Variants in TMEM120B observed in about 807,000 individuals in gnomAD.
TMEM120B encodes the protein transmembrane protein 120B.
In TMEM120B, 31 loss-of-function variants were observed where a neutral mutation model predicts 55.5. That is an observed-to-expected ratio of 0.56 (90% CI 0.42 to 0.75). The LOEUF (loss-of-function observed/expected upper bound fraction) is 0.75, where lower values mean the gene tolerates loss of function less well. Ranked by LOEUF, TMEM120B falls within the 30% of genes least tolerant of loss-of-function variation. The probability of loss-of-function intolerance (pLI) is 0.00; values close to 1 mark genes in which losing one functional copy is unlikely to be tolerated. For missense variants in TMEM120B, 399 were observed against 425.5 expected, an observed-to-expected ratio of 0.94 and a Z score of 0.55; for synonymous variants, 203 against 176.3, an observed-to-expected ratio of 1.15 and a Z score of -1.20.
chr12:121,756,850 C>T (rs1311264286), intron 5 of TMEM120B, among the ~76,000 whole-genome samples: 2 of 152,200 alleles, frequency 1.3e-5, no homozygotes, highest in Non-Finnish European at 2.9e-5. Flanking sequence ...AAATCTGGCT[C>T]TGCCTCTTCC....
chr12:121,771,441 C>G (rs778627811), intron 7 of TMEM120B, 47 bp from the exon 8 acceptor site: 1 of 1,527,400 alleles, frequency 6.5e-7, no homozygotes, highest in South Asian at 1.1e-5. Flanking sequence ...AGGAATGTCT[C>G]ATTTCATAGT....
intron 1 of TMEM120B, among the ~76,000 whole-genome samples, chr12:121,730,660 A>AC (rs1341347996): frequency 1.8e-4 from 27 of 146,936 alleles, no homozygotes; most frequent in South Asian, 8.6e-4. Flanking sequence ...AAAAAAAAAA[A>AC]AAACAAACAA....
Position 121,716,854 on chromosome 12 carries a change from C to T in TMEM120B, c.69+3890C>T, listed in dbSNP as rs1239934910. ...GGGATTACAGGCGTGAGCCACTGCA[C>T]CTGGCTTTCCTTTTTTGAATGAAGG... is the stretch of plus-strand genomic sequence containing the variant. On this transcript the variant is annotated intron_variant, in intron 1 of 11. Coordinates refer to ENST00000449592, the MANE Select transcript of TMEM120B (RefSeq NM_001080825.2). Among the ~76,000 whole-genome samples the T allele has an allele frequency of 2.0e-5, 3 of 152,250 alleles. No individual in the cohort carries two copies. The East Asian group carries it at 5.8e-4, about 29-fold the overall frequency.
chr12:121,774,574 G>A (rs900752344), intron 9 of TMEM120B, 84 bp from the exon 10 acceptor site: 10 of 1,347,388 alleles, frequency 7.4e-6, no homozygotes, highest in African/African-American at 5.8e-5. Context: ...AGGGTGACTG[G>A]TGTGGCTGGG....
chr12:121,748,295 C>T (rs1300766710), intron 2 of TMEM120B, 31 bp from the exon 3 acceptor site: 3 of 1,567,792 alleles, frequency 1.9e-6, no homozygotes, highest in East Asian at 2.3e-5. Flanking sequence ...GAGTGACGCC[C>T]CTTCCCCTGT....
Position 121,739,435 on chromosome 12 carries a change from T to C in TMEM120B, c.70-4194T>C, listed in dbSNP as rs150540267. On this transcript the variant is annotated intron_variant, in intron 1 of 11. Coordinates refer to ENST00000449592, the MANE Select transcript of TMEM120B (RefSeq NM_001080825.2). ...CTAGACAATTGACCCTTGAACAAGG[T>C]GGGGTTAGGGGTGCCAATCAGTCAA... is the stretch of plus-strand genomic sequence containing the variant. Among the ~76,000 whole-genome samples, 22 of 152,026 alleles carry C rather than the reference T, an allele frequency of 1.4e-4. No individual in the cohort carries two copies. In the East Asian group the frequency reaches 4.3e-3, roughly 29 times the overall value.
rs2137471063 is a variant in TMEM120B at position 121,779,891 on chromosome 12, C to G, written c.*4169C>G. The G allele has an allele frequency of 9.5e-6, 5 of 525,532 alleles. No homozygotes were observed. Among genetic ancestry groups the G allele is most frequent in the Non-Finnish European group, 1.0e-5 (3 of 292,518 alleles). The allele number at this position is 525,532 out of a possible 1,614,324, so 32.6% of individuals were successfully genotyped here. A position where few individuals can be genotyped will look rare whatever the true frequency, so the allele number is the denominator to read the frequency against. On this transcript the variant is annotated 3_prime_UTR_variant, in exon 12 of 12. Transcript: ENST00000449592. Reference sequence around the variant, plus strand: ...GCCCTGTCCAGGCCCCCACCCTGGCCTCTCTCCAGCTCCGGGCAGGGAGGG... The same window carrying G: ...GCCCTGTCCAGGCCCCCACCCTGGCGTCTCTCCAGCTCCGGGCAGGGAGGG...
intron 1 of TMEM120B, among the ~76,000 whole-genome samples, chr12:121,726,039 A>AAC (rs1555330122): frequency 6.7e-6 from 1 of 150,194 alleles, no homozygotes; most frequent in Non-Finnish European, 1.5e-5. Context: ...CTGTCTCAAA[A>AAC]AAAAAAAAAC....
chr12:121,736,092 A>C (rs1555330690), intron 1 of TMEM120B, among the ~76,000 whole-genome samples: 1 of 152,138 alleles, frequency 6.6e-6, no homozygotes, highest in Non-Finnish European at 1.5e-5. Flanking sequence ...GTTACTAGAT[A>C]CGTTTTCTCT....
intron 6 of TMEM120B, among the ~76,000 whole-genome samples, chr12:121,768,328 T>C (rs749283639): frequency 1.3e-5 from 2 of 152,198 alleles, no homozygotes; most frequent in Non-Finnish European, 2.9e-5. Flanking sequence ...TACCTGGTGC[T>C]GTTAGTGCTG....
rs1874223528 is a variant in TMEM120B, at chr12:121,775,788, C to A, written c.*66C>A. On this transcript the variant is annotated 3_prime_UTR_variant, in exon 12 of 12. Coordinates refer to ENST00000449592, the MANE Select transcript of TMEM120B (RefSeq NM_001080825.2). This position sits in a 1 kb window ranked among gnomAD's most constrained non-coding sequence, Gnocchi z 4.3. ...AGGGGGCTCCCGGGCTCCTTCCCAG[C>A]AGCCCTCTCAGGCCCGTGGCATCGC... 1.9e-6 allele frequency: 3 copies of A among 1,541,922 alleles called. No homozygotes were observed. Among genetic ancestry groups the A allele is most frequent in the Non-Finnish European group, 2.7e-6 (3 of 1,123,868 alleles).
intron 5 of TMEM120B, among the ~76,000 whole-genome samples, chr12:121,760,369 GC>G (rs1873633697): frequency 1.3e-5 from 2 of 149,764 alleles, no homozygotes; most frequent in Non-Finnish European, 2.9e-5. Flanking sequence ...TGTGCGGTGT[GC>G]CCTTTGACCT....
chr12:121,758,395 G>A (rs77206867), intron 5 of TMEM120B: 49,959 of 978,494 alleles, frequency 0.051, 1,438 homozygotes, highest in African/African-American at 0.2. Context: ...CCAGCCCCGC[G>A]CTGTGGTCAC....
chr12:121,713,043 G>A (rs1894629151), intron 1 of TMEM120B, 79 bp downstream of exon 1: 2 of 1,280,864 alleles, frequency 1.6e-6, no homozygotes, highest in Non-Finnish European at 2.1e-6. Flanking sequence ...CCCGGCCCGG[G>A]CGGTGGGGAC....
chr12:121,745,771 A>G (rs533480272), intron 2 of TMEM120B, among the ~76,000 whole-genome samples: 4 of 151,110 alleles, frequency 2.6e-5, no homozygotes, highest in African/African-American at 9.7e-5. Context: ...CACAGCCTTG[A>G]TCTCCTGGGC....
chr12:121,768,900 C>G (rs1873933323), intron 6 of TMEM120B, among the ~76,000 whole-genome samples: 1 of 152,182 alleles, frequency 6.6e-6, no homozygotes, highest in African/African-American at 2.4e-5. Context: ...AATCCCAGCA[C>G]TTTGGGAGGC....
At chr12:121,758,079 A>T in intron 5 of TMEM120B, 1 of 780,178 alleles carries the variant, frequency 1.3e-6, no homozygotes, top group Non-Finnish European at 1.6e-6. Flanking sequence ...TGATCACGTC[A>T]CTGCACTCCA....
At chr12:121,717,574 T>G (rs1248405531) in intron 1 of TMEM120B, among the ~76,000 whole-genome samples, 2 of 152,202 alleles carry the variant, frequency 1.3e-5, no homozygotes, top group Non-Finnish European at 2.9e-5. Flanking sequence ...GTGTCTGTGC[T>G]CTTAACTACT....
At chr12:121,769,736 G>GTGTGTGTGTA (rs1873973293) in intron 6 of TMEM120B, among the ~76,000 whole-genome samples, 1 of 151,592 alleles carries the variant, frequency 6.6e-6, no homozygotes, top group Non-Finnish European at 1.5e-5. Flanking sequence ...GTGTGTGTGT[G>GTGTGTGTGTA]TACATGCATG....
Sources: allele counts gnomAD v4.1 joint callset (sites outside exome capture counted in the v4.1 genomes callset), GRCh38; gene constraint gnomAD v4.1.1; non-coding constraint Gnocchi (gnomAD v3.1); transcripts MANE v1.5; gene names NCBI Gene and HGNC (gene_info 2026-07-23, HGNC 2026-07-21).